Variants in FBXL20 observed in about 807,000 individuals in gnomAD.
FBXL20 encodes the protein F-box and leucine rich repeat protein 20, also known as F-box/LRR-repeat protein 20.
A neutral mutation model predicts 64.0 loss-of-function variants in FBXL20; 11 were observed. The observed-to-expected ratio is 0.17, with a 90% CI of 0.11 to 0.28. The LOEUF (loss-of-function observed/expected upper bound fraction) is 0.28. Ranked by LOEUF, FBXL20 falls within the 10% of genes least tolerant of loss-of-function variation. The probability of loss-of-function intolerance (pLI) is 1.00; values close to 1 mark genes in which losing one functional copy is unlikely to be tolerated. For missense variants in FBXL20, 303 were observed against 526.2 expected (o/e 0.58, Z 4.15); for synonymous variants, 184 against 189.0 (o/e 0.97, Z 0.22).
chr17:39,311,859 T>C (rs930514268), intron 2 of FBXL20, among the ~76,000 whole-genome samples: 1 of 152,144 alleles, frequency 6.6e-6, no homozygotes, highest in African/African-American at 2.4e-5. Context: ...TAGACTTTAG[T>C]AACCTTTCAA....
intron 2 of FBXL20, among the ~76,000 whole-genome samples, chr17:39,307,989 A>AT (rs958008544): frequency 8.8e-5 from 13 of 148,290 alleles, no homozygotes; most frequent in African/African-American, 3.3e-4. Context: ...AAAAAAAAAA[A>AT]TTTAAAAGAC....
At chr17:39,378,674 G>A (rs563632478) in intron 1 of FBXL20, among the ~76,000 whole-genome samples, 5 of 151,308 alleles carry the variant, frequency 3.3e-5, no homozygotes, top group South Asian at 2.1e-4. Flanking sequence ...CAGTGGCACC[G>A]TGTTGGCTCA....
Position 39,401,375 on chromosome 17 carries a change from T to G in FBXL20, c.28A>C (p.Lys10Gln). 1 of 1,612,686 alleles carries G rather than the reference T, an allele frequency of 6.2e-7. No homozygotes were observed. Among genetic ancestry groups the G allele is most frequent in the East Asian group, 2.2e-5 (1 of 44,812 alleles). ...CAAGCTCACACCTCAAACCTGCTCT[T>G]GGTCACTCCGTTCACGTCCCTCCTC... MRRDVNGVT[K>Q]SRFEMFSNSD... is the part of the protein sequence containing the mutation. Residue 10 changes from lysine to glutamine, a missense_variant, in exon 1 of 15, where the codon AAG (lysine) becomes CAG (glutamine). Physicochemically the swap from Lys to Gln is moderately conservative, Grantham distance 53. Around this residue, in one of 3 missense-constraint regions of FBXL20, gnomAD observed 246 missense variants for 422.6 expected, o/e 0.58. Transcript: ENST00000264658.
At chr17:39,336,807 G>C (rs1178410963) in intron 2 of FBXL20, among the ~76,000 whole-genome samples, 1 of 151,002 alleles carries the variant, frequency 6.6e-6, no homozygotes. Flanking sequence ...CTGGGCGACA[G>C]TGTGAGACAC....
chr17:39,402,326 T>A, upstream of FBXL20: 1 of 755,596 alleles, frequency 1.3e-6, no homozygotes, highest in Non-Finnish European at 1.8e-6. Context: ...CCCAGTGCAT[T>A]ACATTACGGG....
intron 2 of FBXL20, among the ~76,000 whole-genome samples, chr17:39,304,840 G>A (rs1220894965): frequency 6.6e-6 from 1 of 152,058 alleles, no homozygotes; most frequent in Non-Finnish European, 1.5e-5. Context: ...GGAGTGCAGT[G>A]GCATGATCTC....
chr17:39,398,303 C>T (rs1268889702), intron 1 of FBXL20, among the ~76,000 whole-genome samples: 1 of 152,016 alleles, frequency 6.6e-6, no homozygotes, highest in Non-Finnish European at 1.5e-5. Context: ...AACAAAACAA[C>T]AACAACAACA....
intron 11 of FBXL20, 55 bp from the exon 12 acceptor site, chr17:39,268,926 G>C (rs1172402360): frequency 2.6e-6 from 4 of 1,513,734 alleles, no homozygotes. Context: ...TAAAACATGA[G>C]AAACTTTTAA....
chr17:39,354,414 G>C (rs762463280), intron 1 of FBXL20, among the ~76,000 whole-genome samples: 1 of 152,030 alleles, frequency 6.6e-6, no homozygotes, highest in African/African-American at 2.4e-5. Flanking sequence ...TCTCAATCTC[G>C]TTAACTGGAT....
At chr17:39,286,279 A>C (rs575302495) in intron 6 of FBXL20, among the ~76,000 whole-genome samples, 1 of 152,106 alleles carries the variant, frequency 6.6e-6, no homozygotes, top group Non-Finnish European at 1.5e-5. Flanking sequence ...CAGTGTTGCA[A>C]TCTAGGCCCA....
At chr17:39,335,446 T>C (rs2047511102) in intron 2 of FBXL20, among the ~76,000 whole-genome samples, 1 of 151,808 alleles carries the variant, frequency 6.6e-6, no homozygotes, top group Admixed American at 6.6e-5. Flanking sequence ...TAGCCAGGCA[T>C]GGTGGCACGT....
intron 1 of FBXL20, among the ~76,000 whole-genome samples, chr17:39,398,168 G>C (rs2048205560): frequency 6.6e-6 from 1 of 151,022 alleles, no homozygotes; most frequent in South Asian, 2.1e-4. Context: ...TGTAATCCCA[G>C]CTACTCGGGA....
chr17:39,279,638 G>T (rs58905757), intron 9 of FBXL20, among the ~76,000 whole-genome samples: 4,868 of 152,278 alleles, frequency 0.032, 119 homozygotes, highest in African/African-American at 0.069. Flanking sequence ...GCTCACACCT[G>T]TATTCCCAGC....
At chr17:39,331,195 G>T (rs2047457005) in intron 2 of FBXL20, among the ~76,000 whole-genome samples, 1 of 152,180 alleles carries the variant, frequency 6.6e-6, no homozygotes, top group South Asian at 2.1e-4. Flanking sequence ...CCACCTCCGG[G>T]GTTCAAGCGA....
At chr17:39,317,907 T>C (rs1203794425) in intron 2 of FBXL20, among the ~76,000 whole-genome samples, 1 of 151,410 alleles carries the variant, frequency 6.6e-6, no homozygotes, top group Admixed American at 6.6e-5. Context: ...TTCACCGTGT[T>C]AGCCGGGATG....
intron 6 of FBXL20, 53 bp from the exon 7 acceptor site, chr17:39,285,626 C>G: frequency 2.6e-6 from 3 of 1,171,822 alleles, no homozygotes; most frequent in Non-Finnish European, 2.4e-6. Context: ...AGTACACATC[C>G]TTGGTATATC....
chr17:39,266,407 A>G (rs1008401461), intron 12 of FBXL20, among the ~76,000 whole-genome samples: 5 of 152,016 alleles, frequency 3.3e-5, no homozygotes, highest in Admixed American at 6.6e-5. Flanking sequence ...TTTAGTAGAG[A>G]TGGGGTTACA....
At chr17:39,364,012 C>T (rs1263226968) in intron 1 of FBXL20, among the ~76,000 whole-genome samples, 8 of 151,074 alleles carry the variant, frequency 5.3e-5, no homozygotes, top group Admixed American at 4.0e-4. Flanking sequence ...GCCTCAGCCT[C>T]CCGAGTAGCT....
At chr17:39,311,174 A>T (rs527336675) in intron 2 of FBXL20, among the ~76,000 whole-genome samples, 1 of 152,200 alleles carries the variant, frequency 6.6e-6, no homozygotes, top group African/African-American at 2.4e-5. Context: ...CTAAAAAACA[A>T]ACAAAAAAAC....
Sources: allele counts gnomAD v4.1 joint callset (sites outside exome capture counted in the v4.1 genomes callset), GRCh38; gene constraint gnomAD v4.1.1; regional missense constraint gnomAD v4.1.1; transcripts MANE v1.5; gene names NCBI Gene and HGNC (gene_info 2026-07-23, HGNC 2026-07-21).